The following ZNF90 variants were observed in gnomAD, a reference collection of about 807,000 sequenced individuals.
ZNF90 encodes the protein zinc finger protein 90, also known as zinc finger protein HTF9.
ZNF90 carries 11 observed loss-of-function variants against 12.0 expected under a neutral mutation model. The observed-to-expected ratio is 0.92, with a 90% CI of 0.58 to 1.52. ZNF90 has a LOEUF of 1.52. Among genes scored for constraint, ZNF90 ranks in the 40% most tolerant of loss-of-function variants. The probability of loss-of-function intolerance (pLI) is 0.00; values close to 1 mark genes in which losing one functional copy is unlikely to be tolerated. For missense variants in ZNF90, 765 were observed against 711.5 expected (o/e 1.08, Z -0.86); for synonymous variants, 232 against 240.1 (o/e 0.97, Z 0.31).
intron 1 of ZNF90, among the ~76,000 whole-genome samples, chr19:20,087,850 C>CAA (rs782059660): frequency 3.3e-5 from 5 of 151,904 alleles, no homozygotes; most frequent in African/African-American, 1.2e-4. Flanking sequence ...AAATTAAAGT[C>CAA]AAAGGGGGTT....
chr19:20,104,269 G>A lies in ZNF90; in HGVS notation c.34G>A (p.Glu12Lys). The A allele has an allele frequency of 6.2e-7, 1 of 1,614,032 alleles. No individual in the cohort carries two copies. The highest frequency in any genetic ancestry group is 1.3e-5 in the African/African-American group (1 of 75,026). Residue 12 changes from glutamate (E) to lysine (K), a missense_variant, in exon 2 of 4, where the codon GAA (glutamate) becomes AAA (lysine). By Grantham distance (56) the Glu-to-Lys change is moderately conservative. Transcript: ENST00000418063. Reference sequence around the variant, plus strand: ...ATTGGAATTTAGAGATGTGGCCATAGAATTCTCTCTGGAGGAGTGGCATTG... The same window carrying A: ...ATTGGAATTTAGAGATGTGGCCATAAAATTCTCTCTGGAGGAGTGGCATTG... ...GPLEFRDVAI[E>K]FSLEEWHCLD...
chr19:20,085,337 G>T (rs1016904983), intron 1 of ZNF90, among the ~76,000 whole-genome samples: 11 of 145,930 alleles, frequency 7.5e-5, no homozygotes, highest in Admixed American at 2.8e-4. Context: ...TCGGCTCACT[G>T]CAAGCTCCGC....
At chr19:20,088,746 A>G (rs1237326334) in intron 1 of ZNF90, among the ~76,000 whole-genome samples, 2 of 152,180 alleles carry the variant, frequency 1.3e-5, no homozygotes, top group Non-Finnish European at 2.9e-5. Flanking sequence ...AAAGTTTGTG[A>G]TATGTCTGTG....
intron 3 of ZNF90, chr19:20,107,175 C>T (rs1183175384): frequency 1.7e-5 from 6 of 363,454 alleles, no homozygotes; most frequent in African/African-American, 4.3e-5. Flanking sequence ...TTCAGGGACC[C>T]CAGTAAAGGC....
At chr19:20,116,389 C>A (rs115275688) in intron 3 of ZNF90, among the ~76,000 whole-genome samples, 60 of 152,236 alleles carry the variant, frequency 3.9e-4, no homozygotes, top group East Asian at 3.1e-3. Context: ...AGGCTGGTCT[C>A]ATACTCCTGA....
Position 20,118,302 on chromosome 19 carries a change from A to G in ZNF90, c.748A>G (p.Ile250Val), listed in dbSNP as rs1555705977. The change falls in exon 4 of 4, where the codon ATT becomes GTT. Residue 250 changes from isoleucine (I) to valine (V), a missense_variant. Coordinates refer to ENST00000418063, the MANE Select transcript of ZNF90 (RefSeq NM_007138.2). Reference protein sequence around the residue: ...YSSTLTAHKRIHTGEKRYKCE... With the variant: ...YSSTLTAHKRVHTGEKRYKCE... ...CTCTACCCTTACTGCACATAAGAGA[A>G]TTCATACTGGAGAGAAACGGTACAA... is the stretch of plus-strand genomic sequence containing the variant. 2 of 1,562,430 alleles carry G rather than the reference A, an allele frequency of 1.3e-6. No homozygotes were observed. Among genetic ancestry groups the G allele is most frequent in the East Asian group, 4.8e-5 (2 of 41,686 alleles).
At chr19:20,096,381 G>A (rs562333211) in intron 1 of ZNF90, among the ~76,000 whole-genome samples, 2 of 152,266 alleles carry the variant, frequency 1.3e-5, no homozygotes, top group Admixed American at 6.5e-5. Flanking sequence ...CTTTGTGTGA[G>A]CAATAAAGCT....
At chr19:20,116,994 A>T (rs1253358548) in intron 3 of ZNF90, among the ~76,000 whole-genome samples, 1 of 138,612 alleles carries the variant, frequency 7.2e-6, no homozygotes, top group Non-Finnish European at 1.5e-5. Flanking sequence ...AAAAAAAAAA[A>T]AGAATTGGCA....
chr19:20,086,686 A>G (rs782399918), intron 1 of ZNF90, among the ~76,000 whole-genome samples: 6 of 152,212 alleles, frequency 3.9e-5, no homozygotes, highest in Non-Finnish European at 5.9e-5. Context: ...TAAACTATAC[A>G]CATACTATAT....
chr19:20,085,720 C>T (rs1382702888), intron 1 of ZNF90, among the ~76,000 whole-genome samples: 2 of 152,096 alleles, frequency 1.3e-5, no homozygotes, highest in Admixed American at 6.5e-5. Flanking sequence ...TTGCTATTCC[C>T]TCTTTTTGTA....
At chr19:20,079,928 G>T in intron 1 of ZNF90, 4 of 405,318 alleles carry the variant, frequency 9.9e-6, no homozygotes, top group South Asian at 1.9e-5. Flanking sequence ...TCCTTTCATC[G>T]TATTTCCTCT....
intron 3 of ZNF90, among the ~76,000 whole-genome samples, chr19:20,114,417 G>T (rs547786523): frequency 1.3e-5 from 2 of 151,966 alleles, no homozygotes; most frequent in African/African-American, 4.8e-5. Context: ...TTCCCATTTC[G>T]TGGCACTCTT....
chr19:20,084,047 C>T (rs1401499292), intron 1 of ZNF90, among the ~76,000 whole-genome samples: 2 of 149,324 alleles, frequency 1.3e-5, no homozygotes, highest in African/African-American at 5.0e-5. Context: ...TGAGCCACCA[C>T]ATTTGACCAT....
chr19:20,120,550 CAG>C lies in ZNF90; in HGVS notation c.*1195_*1196del, dbSNP rs1191487225. ...TCAAAAACTACAGCTTAGAAAACAC[CAG>C]AGAGTTGATACTAAAATATATGTTT... On this transcript the variant is annotated 3_prime_UTR_variant, in exon 4 of 4. Transcript: ENST00000418063. 1.8e-4 allele frequency among the ~76,000 whole-genome samples: 28 copies of C among 152,068 alleles called. No individual in the cohort carries two copies. Among genetic ancestry groups the C allele is most frequent in the East Asian group, 3.9e-4 (2 of 5,184 alleles).
At chr19:20,111,425 TG>T (rs1196879500) in intron 3 of ZNF90, among the ~76,000 whole-genome samples, 1 of 152,236 alleles carries the variant, frequency 6.6e-6, no homozygotes, top group Non-Finnish European at 1.5e-5. Context: ...TTTGCCATGT[TG>T]CCCAGGCTGG....
At chr19:20,082,621 A>C (rs2088828623) in intron 1 of ZNF90, among the ~76,000 whole-genome samples, 1 of 152,204 alleles carries the variant, frequency 6.6e-6, no homozygotes, top group South Asian at 2.1e-4. Context: ...GCCCAGGGAC[A>C]CAAAACACTG....
At position 20,092,989 on chromosome 19, in the gene ZNF90, C is replaced by CGGCA. The variant is rs201505383; in HGVS notation, c.4-11248_4-11245dup. 1.0e-2 allele frequency among the ~76,000 whole-genome samples: 1,517 copies of CGGCA among 152,238 alleles called. 25 individuals are homozygous for CGGCA. The highest frequency in any genetic ancestry group is 0.035 in the African/African-American group (1,451 of 41,532). On this transcript the variant is annotated intron_variant, in intron 1 of 3. Transcript: ENST00000418063. ...AATGAGGGCTGTCCCTGAAACCCTG[C>CGGCA]GGCAGCACAGCCCAGGTAAGCTGCT...
chr19:20,110,886 T>G (rs1555705033), intron 3 of ZNF90, among the ~76,000 whole-genome samples: 1 of 152,200 alleles, frequency 6.6e-6, no homozygotes, highest in African/African-American at 2.4e-5. Context: ...CCTTTATTGT[T>G]TAGTTTTAAG....
intron 1 of ZNF90, among the ~76,000 whole-genome samples, chr19:20,083,494 A>G (rs1268948964): frequency 6.6e-6 from 1 of 151,568 alleles, no homozygotes; most frequent in Non-Finnish European, 1.5e-5. Flanking sequence ...CGTTTGGCTA[A>G]TTTTGTGTTT....
Sources: allele counts gnomAD v4.1 joint callset (sites outside exome capture counted in the v4.1 genomes callset), GRCh38; gene constraint gnomAD v4.1.1; transcripts MANE v1.5; gene names NCBI Gene and HGNC (gene_info 2026-07-23, HGNC 2026-07-21).